Variants in MBTPS1 observed in about 807,000 individuals in gnomAD.
MBTPS1 encodes membrane-bound transcription factor site-1 protease.
In MBTPS1, 94 loss-of-function variants were observed where a neutral mutation model predicts 127.8. The observed-to-expected ratio is 0.74, with a 90% CI of 0.62 to 0.87. The LOEUF (loss-of-function observed/expected upper bound fraction) is 0.87, where lower values mean the gene tolerates loss of function less well. Among genes scored for constraint, MBTPS1 ranks in the 40% least tolerant of loss-of-function variants. MBTPS1 has a pLI of 0.00. For synonymous variants in MBTPS1, 632 were observed against 509.4 expected (o/e 1.24, Z -3.24); for missense variants, 1,636 against 1,353.2 (o/e 1.21, Z -3.28).
chr16:84,075,580 C>G (rs1415595270), intron 11 of MBTPS1: 1 of 152,246 alleles, frequency 6.6e-6, no homozygotes, highest in Non-Finnish European at 1.5e-5. Context: ...CAAGCTGCAC[C>G]CACGTGCAGT....
rs34131233 is a variant in MBTPS1, at chr16:84,101,713, C to T, written c.71G>A (p.Arg24Lys). ...LLCGKKHLGD[R>K]LEKKSFEKAP... ...CTTTTCAAAAGATTTCTTTTCCAGT[C>T]TGTCGCCCAGATGTTTCTTCCCACA... The change falls in exon 2 of 23, where the codon AGA (arginine) becomes AAA (lysine). Residue 24 changes from arginine (R) to lysine (K), a missense_variant. Arg to Lys is a conservative substitution (Grantham distance 26, BLOSUM62 2). Coordinates refer to ENST00000343411, the MANE Select transcript of MBTPS1 (RefSeq NM_003791.4). 1.2e-5 allele frequency: 19 copies of T among 1,614,072 alleles called. 1 individual carries two copies. In the Middle Eastern group the frequency reaches 2.3e-3, roughly 195 times the overall value.
At chr16:84,104,461 T>C (rs908379700) in intron 1 of MBTPS1, among the ~76,000 whole-genome samples, 2 of 151,970 alleles carry the variant, frequency 1.3e-5, no homozygotes, top group Non-Finnish European at 2.9e-5. Flanking sequence ...AGACTCTCTC[T>C]CCACTTAAAA....
rs772734501 is a variant in MBTPS1 at position 84,074,760 on chromosome 16, T to A, written c.1449-19A>T. The A allele has an allele frequency of 3.7e-6, 6 of 1,606,328 alleles. No homozygotes were observed. The East Asian group carries it at 1.3e-4, about 36-fold the overall frequency. On this transcript the variant is annotated intron_variant, in intron 11 of 22. Transcript: ENST00000343411. The stretch of plus-strand genomic sequence containing the variant: ...GCTCAAACTGAAATAAAGAATACAG[T>A]GTTAGAGTAGATCATATGAGAAAAC...
intron 11 of MBTPS1, among the ~76,000 whole-genome samples, chr16:84,078,789 T>C (rs976496597): frequency 6.6e-6 from 1 of 152,082 alleles, no homozygotes; most frequent in African/African-American, 2.4e-5. Context: ...CAAAACAATA[T>C]CCACAGCGAT....
intron 6 of MBTPS1, 122 bp downstream of exon 6, chr16:84,093,066 G>A: frequency 1.4e-6 from 1 of 721,482 alleles, no homozygotes; most frequent in Non-Finnish European, 2.5e-6. Context: ...GCGTGCTGCA[G>A]TATGAATGGC....
At chr16:84,103,496 G>A (rs557695352) in intron 1 of MBTPS1, among the ~76,000 whole-genome samples, 1 of 152,156 alleles carries the variant, frequency 6.6e-6, no homozygotes, top group South Asian at 2.1e-4. Context: ...AGGTGATCCA[G>A]CCACCTTGGC....
intron 2 of MBTPS1, among the ~76,000 whole-genome samples, chr16:84,100,246 A>T (rs2086234713): frequency 6.6e-6 from 1 of 151,722 alleles, no homozygotes; most frequent in Non-Finnish European, 1.5e-5. Flanking sequence ...ACAAAAAATA[A>T]AAAAATTAGC....
At chr16:84,090,068 T>G (rs1326673260) in intron 8 of MBTPS1, among the ~76,000 whole-genome samples, 1 of 152,256 alleles carries the variant, frequency 6.6e-6, no homozygotes, top group Non-Finnish European at 1.5e-5. Context: ...GCTAGAGTCC[T>G]ATGAATGCCA....
Position 84,101,757 on chromosome 16 carries a change from A to C in MBTPS1, c.27T>G (p.Leu9=). The change falls in exon 2 of 23, where the codon CTT becomes CTG. Residue 9 remains leucine, a synonymous_variant. Coordinates refer to ENST00000343411, the MANE Select transcript of MBTPS1 (RefSeq NM_003791.4). ...TCCCACAGAGCAAAACCACGAGCAGAAGCAGCCAGATGTTGACAAGCTTCA... is the reference window on the plus strand; with the variant it reads ...TCCCACAGAGCAAAACCACGAGCAGCAGCAGCCAGATGTTGACAAGCTTCA... MKLVNIWL[L]LLVVLLCGKK... The C allele has an allele frequency of 6.2e-7, 1 of 1,613,964 alleles. No homozygotes were observed. The highest frequency in any genetic ancestry group is 8.5e-7 in the Non-Finnish European group (1 of 1,179,918).
chr16:84,070,483 T>G (rs1313712338), intron 13 of MBTPS1, 105 bp downstream of exon 13: 14 of 1,153,994 alleles, frequency 1.2e-5, no homozygotes, highest in East Asian at 7.1e-5. Context: ...TAAGCCTATC[T>G]GTCAACTGTA....
chr16:84,081,913 A>G lies in MBTPS1; in HGVS notation c.1287-5T>C. The G allele has an allele frequency of 2.9e-6, 4 of 1,383,180 alleles. No homozygotes were observed. Among genetic ancestry groups the G allele is most frequent in the Non-Finnish European group, 3.8e-6 (4 of 1,057,060 alleles). The allele number at this position is 1,383,180 out of a possible 1,614,324, so 85.7% of individuals were successfully genotyped here. On this transcript the variant is annotated splice_region_variant and splice_polypyrimidine_tract_variant and intron_variant, in intron 10 of 22. Transcript: ENST00000343411. The stretch of plus-strand genomic sequence containing the variant: ...AGCTCACGCTTCTGGACTGTGCTGG[A>G]GGAAAAATCAAGAATTGCCTATTTT...
rs3826140 is a variant in MBTPS1, at chr16:84,093,995, C to T, written c.626-174G>A. Among the ~76,000 whole-genome samples the T allele has an allele frequency of 3.8e-3, 571 of 152,222 alleles. 14 individuals carry two copies. In the East Asian group the frequency reaches 0.06, roughly 16 times the overall value. On this transcript the variant is annotated intron_variant, in intron 4 of 22. Transcript: ENST00000343411. ...TGCTCCCAGGGTCAGCTGGCTGAGC[C>T]AAGGCTAAGAAAAGAGGACAGCAGG...
chr16:84,071,354 C>T (rs1312630126), intron 12 of MBTPS1, among the ~76,000 whole-genome samples: 1 of 152,242 alleles, frequency 6.6e-6, no homozygotes, highest in Non-Finnish European at 1.5e-5. Flanking sequence ...GAGCTTGCAA[C>T]TAACCGGTAT....
intron 11 of MBTPS1, 53 bp from the exon 12 acceptor site, chr16:84,074,794 A>T (rs1157286635): frequency 2.0e-6 from 3 of 1,517,042 alleles, no homozygotes; most frequent in African/African-American, 1.4e-5. Context: ...ACTACAATGA[A>T]GCAACACAAC....
chr16:84,061,902 C>G (rs1287562518), intron 19 of MBTPS1, among the ~76,000 whole-genome samples: 6 of 152,164 alleles, frequency 3.9e-5, no homozygotes, highest in Non-Finnish European at 5.9e-5. Flanking sequence ...CCATTAAGTA[C>G]TTTCCTCTCA....
At chr16:84,081,931 C>T in intron 10 of MBTPS1, 23 bp from the exon 11 acceptor site, 2 of 1,351,168 alleles carry the variant, frequency 1.5e-6, no homozygotes, top group Non-Finnish European at 1.9e-6. Context: ...TCAAGAATTG[C>T]CTATTTTCTC....
intron 10 of MBTPS1, 75 bp downstream of exon 10, chr16:84,084,908 C>T (rs540296816): frequency 6.0e-6 from 9 of 1,502,680 alleles, no homozygotes; most frequent in Admixed American, 5.7e-5. Context: ...AAGCAAGACA[C>T]GACTCCTGCT....
intron 1 of MBTPS1, among the ~76,000 whole-genome samples, chr16:84,106,810 C>G (rs2086330210): frequency 6.6e-6 from 1 of 152,160 alleles, no homozygotes; most frequent in African/African-American, 2.4e-5. Flanking sequence ...TGGCTTGGAC[C>G]AGGGCGGGCA....
chr16:84,076,813 T>C (rs2085860369), intron 11 of MBTPS1, among the ~76,000 whole-genome samples: 1 of 152,196 alleles, frequency 6.6e-6, no homozygotes, highest in Non-Finnish European at 1.5e-5. Context: ...ATTATAAAAA[T>C]ATTACTTCTA....
Sources: allele counts gnomAD v4.1 joint callset (sites outside exome capture counted in the v4.1 genomes callset), GRCh38; gene constraint gnomAD v4.1.1; transcripts MANE v1.5; gene names NCBI Gene and HGNC (gene_info 2026-07-23, HGNC 2026-07-21).